The following SLC6A2 variants were observed in gnomAD, a reference collection of about 807,000 sequenced individuals.
SLC6A2 encodes solute carrier family 6 member 2.
Under a neutral mutation model 71.7 loss-of-function variants are expected in SLC6A2, and 26 were observed. That is an observed-to-expected ratio of 0.36 (90% confidence interval 0.27 to 0.50). The LOEUF (loss-of-function observed/expected upper bound fraction) is 0.50. Among genes scored for constraint, SLC6A2 ranks in the 20% least tolerant of loss-of-function variants. The pLI, the probability that SLC6A2 is intolerant of heterozygous loss-of-function variation, is 0.96. For synonymous variants in SLC6A2, 363 were observed against 337.9 expected (o/e 1.07, Z -0.82); for missense variants, 581 against 803.9 (o/e 0.72, Z 3.35).
intron 2 of SLC6A2, among the ~76,000 whole-genome samples, chr16:55,663,964 GAACA>G (rs1343916281): frequency 6.6e-6 from 1 of 152,128 alleles, no homozygotes; most frequent in Non-Finnish European, 1.5e-5. Flanking sequence ...AGAAGAATCT[GAACA>G]GACAGGCCTT....
Position 55,705,167 on chromosome 16 carries a change from C to T in SLC6A2, c.*2821C>T. On this transcript the variant is annotated 3_prime_UTR_variant, in exon 15 of 15. Transcript: ENST00000568943. ...CAGTTTGAGAACATCACATTTACGTCTACTCAATGTCTAGTTATTTAGCAC... is the reference window on the plus strand; with the variant it reads ...CAGTTTGAGAACATCACATTTACGTTTACTCAATGTCTAGTTATTTAGCAC... The T allele has an allele frequency of 8.0e-7, 1 of 1,255,198 alleles. No homozygotes were observed. The highest frequency in any genetic ancestry group is 1.1e-6 in the Non-Finnish European group (1 of 891,074). 77.8% of individuals were successfully genotyped at this position (1,255,198 alleles called of 1,614,324 possible). A position where few individuals can be genotyped will look rare whatever the true frequency, so the allele number is the denominator to read the frequency against.
chr16:55,682,776 G>A (rs1448159241), intron 4 of SLC6A2, among the ~76,000 whole-genome samples: 1 of 152,212 alleles, frequency 6.6e-6, no homozygotes, highest in African/African-American at 2.4e-5. Flanking sequence ...AAGGGTGTTG[G>A]GCAATGTGCA....
At chr16:55,663,606 C>A (rs1033462459) in intron 2 of SLC6A2, among the ~76,000 whole-genome samples, 5 of 152,194 alleles carry the variant, frequency 3.3e-5, no homozygotes, top group Admixed American at 6.5e-5. Flanking sequence ...CAGCTGAGGT[C>A]TTACCATAGC....
At chr16:55,699,419 G>A (rs1446372938) in intron 11 of SLC6A2, 135 bp from the exon 12 acceptor site, 6 of 731,986 alleles carry the variant, frequency 8.2e-6, no homozygotes, top group Admixed American at 2.0e-5. Flanking sequence ...GCCCATCCCC[G>A]AGTCTCCCTA....
intron 5 of SLC6A2, among the ~76,000 whole-genome samples, chr16:55,689,722 C>G (rs541807588): frequency 1.3e-4 from 20 of 152,324 alleles, no homozygotes; most frequent in Admixed American, 1.2e-3. Context: ...CGTGAGGTCA[C>G]CCAGATGCAA....
In SLC6A2 at chr16:55,704,276, A is replaced by G. The variant is rs753751319; in HGVS notation, c.*1930A>G. The G allele has an allele frequency of 6.6e-6, 1 of 152,180 alleles. No individual in the cohort carries two copies. Among genetic ancestry groups the G allele is most frequent in the Non-Finnish European group, 1.5e-5 (1 of 68,026 alleles). The allele number at this position is 152,180 out of a possible 1,614,324, so 9.4% of individuals were successfully genotyped here. On this transcript the variant is annotated 3_prime_UTR_variant, in exon 15 of 15. Coordinates refer to ENST00000568943, the MANE Select transcript of SLC6A2 (RefSeq NM_001172501.3). The stretch of plus-strand genomic sequence containing the variant: ...TATAGCTTCTATCTCCCCATTTCCC[A>G]GGTGAGAGAACCAAGGCCCAGCATT...
intron 8 of SLC6A2, 104 bp downstream of exon 8, chr16:55,695,506 T>C: frequency 1.5e-6 from 2 of 1,361,054 alleles, no homozygotes; most frequent in Non-Finnish European, 2.1e-6. Flanking sequence ...GAATACTGGG[T>C]TGTCCATGGA....
In SLC6A2 at chr16:55,685,234, A is replaced by G; in HGVS notation, c.736A>G (p.Ile246Val). ...CTTGCTCTGTCTGATGGTCGTCGTC[A>G]TCGTCTTGTATTTTAGCCTCTGGAA... ...QLLLCLMVVV[I>V]VLYFSLWKGV... Residue 246 changes from isoleucine to valine, a missense_variant, in exon 5 of 15, where the codon ATC (isoleucine) becomes GTC (valine). This residue lies in a region of SLC6A2 where 87 missense variants were observed against 99.5 expected (regional missense o/e 0.87). Coordinates refer to ENST00000568943, the MANE Select transcript of SLC6A2 (RefSeq NM_001172501.3). 1 of 1,614,146 alleles carries G rather than the reference A, an allele frequency of 6.2e-7. No individual in the cohort carries two copies. Among genetic ancestry groups the G allele is most frequent in the South Asian group, 1.1e-5 (1 of 91,082 alleles).
At chr16:55,687,405 G>A (rs1211360983) in intron 5 of SLC6A2, among the ~76,000 whole-genome samples, 2 of 152,236 alleles carry the variant, frequency 1.3e-5, no homozygotes, top group East Asian at 1.9e-4. Context: ...TCTTTCAACT[G>A]AAAGTGTCTC....
In SLC6A2 at chr16:55,702,878, C is replaced by A; in HGVS notation, c.*532C>A. The A allele has an allele frequency of 2.0e-6, 2 of 990,730 alleles. No homozygotes were observed. The highest frequency in any genetic ancestry group is 2.4e-6 in the Non-Finnish European group (2 of 833,086). The allele number at this position is 990,730 out of a possible 1,614,324, so 61.4% of individuals were successfully genotyped here. ...CAGCCCTCTCATGTCTGAACCTCAG[C>A]CTGGGAGTTAGATTTATTTGTCTCT... On this transcript the variant is annotated 3_prime_UTR_variant, in exon 15 of 15. Transcript: ENST00000568943.
At chr16:55,661,654 G>A (rs1386183027) in intron 2 of SLC6A2, among the ~76,000 whole-genome samples, 1 of 152,226 alleles carries the variant, frequency 6.6e-6, no homozygotes, top group Non-Finnish European at 1.5e-5. Context: ...ACTTGGGTCT[G>A]GAGCCCAAGC....
At chr16:55,675,543 G>A (rs774117457) in intron 4 of SLC6A2, among the ~76,000 whole-genome samples, 67 of 152,142 alleles carry the variant, frequency 4.4e-4, no homozygotes, top group Non-Finnish European at 9.3e-4. Flanking sequence ...GGGGGCCGTG[G>A]TGTGCTGATT....
Position 55,704,821 on chromosome 16 carries a change from C to A in SLC6A2, c.*2475C>A, listed in dbSNP as rs1485231838. The A allele has an allele frequency of 6.1e-6, 1 of 164,742 alleles. No homozygotes were observed. The highest frequency in any genetic ancestry group is 6.3e-5 in the Admixed American group (1 of 15,978). The allele number at this position is 164,742 out of a possible 1,614,324, so 10.2% of individuals were successfully genotyped here. On this transcript the variant is annotated 3_prime_UTR_variant, in exon 15 of 15. Transcript: ENST00000568943. ...AAACCAACGCAGTGGTGCTGCCTTG[C>A]GGCGGAAGTTGGCTCCTGAATCTGG...
chr16:55,675,710 T>C (rs1965064249), intron 4 of SLC6A2, among the ~76,000 whole-genome samples: 1 of 152,194 alleles, frequency 6.6e-6, no homozygotes, highest in African/African-American at 2.4e-5. Context: ...AATTTAATTT[T>C]AATTTATTTA....
At chr16:55,678,065 A>G (rs529865210) in intron 4 of SLC6A2, among the ~76,000 whole-genome samples, 1 of 152,278 alleles carries the variant, frequency 6.6e-6, no homozygotes, top group South Asian at 2.1e-4. Context: ...TGCTACCATC[A>G]GCCAAGCACT....
chr16:55,665,138 G>T (rs1267834972), intron 2 of SLC6A2, among the ~76,000 whole-genome samples: 1 of 152,206 alleles, frequency 6.6e-6, no homozygotes. Context: ...GTCTTCCCCT[G>T]TACCTCCACA....
At position 55,677,665 on chromosome 16, in the gene SLC6A2, TTTTG is replaced by T. The variant is rs139207409; in HGVS notation, c.644+5506_644+5509del. Among the ~76,000 whole-genome samples the T allele has an allele frequency of 2.7e-3, 409 of 150,734 alleles. 5 individuals carry two copies. The South Asian group carries it at 0.047, about 17-fold the overall frequency. ...AGGTAGAACTGAATGCAGAGTTGTT[TTTTG>T]TTTGTTTGTTTGTTTTAAAAAAGAC... On this transcript the variant is annotated intron_variant, in intron 4 of 14. Coordinates refer to ENST00000568943, the MANE Select transcript of SLC6A2 (RefSeq NM_001172501.3).
chr16:55,694,179 AGAGGG>A, intron 7 of SLC6A2, 66 bp downstream of exon 7: 1 of 1,136,932 alleles, frequency 8.8e-7, no homozygotes, highest in Non-Finnish European at 1.3e-6. Context: ...TGGGTGGCAG[AGAGGG>A]CTCTGGTCTG....
At chr16:55,702,000 C>T (rs2242447) in intron 14 of SLC6A2, 66 bp downstream of exon 14, 774,523 of 1,231,124 alleles carry the variant, frequency 0.63, 252,707 homozygotes, top group Admixed American at 0.72. Context: ...CCCTGCTGTG[C>T]ACTGCCCAAG....
Sources: gnomAD v4.1 joint callset for allele counts (sites outside exome capture counted in the v4.1 genomes callset) on GRCh38, gnomAD v4.1.1 for gene constraint, gnomAD v4.1.1 regional missense constraint, MANE v1.5 for transcripts, NCBI Gene and HGNC (gene_info 2026-07-23, HGNC 2026-07-21) for gene names.